Variants in CCSER2 observed in about 807,000 individuals in gnomAD.
CCSER2 encodes coiled-coil serine rich protein 2.
In CCSER2, 46 loss-of-function variants were observed where a neutral mutation model predicts 92.3. That is an observed-to-expected ratio of 0.50 (90% CI 0.39 to 0.64). The LOEUF (loss-of-function observed/expected upper bound fraction) is 0.64. Ranked by LOEUF, CCSER2 falls within the 30% of genes least tolerant of loss-of-function variation. CCSER2 has a pLI of 0.00. For synonymous variants in CCSER2, 433 were observed against 431.4 expected (o/e 1.00, Z -0.04); for missense variants, 1,244 against 1,238.9 (o/e 1.00, Z -0.06).
intron 3 of CCSER2, among the ~76,000 whole-genome samples, chr10:84,412,184 G>A (rs1374781973): frequency 6.6e-6 from 1 of 152,060 alleles, no homozygotes; most frequent in African/African-American, 2.4e-5. Flanking sequence ...ACTGCCTTCT[G>A]TTTGCCAGTA....
intron 5 of CCSER2, among the ~76,000 whole-genome samples, chr10:84,431,611 A>G (rs1369953586): frequency 3.9e-5 from 6 of 152,052 alleles, no homozygotes; most frequent in Non-Finnish European, 1.5e-5. Flanking sequence ...GCGTGGTGGC[A>G]CGTGTCTATA....
chr10:84,498,861 C>G (rs1012321319), intron 9 of CCSER2, among the ~76,000 whole-genome samples: 10 of 152,222 alleles, frequency 6.6e-5, no homozygotes, highest in African/African-American at 2.4e-4. Context: ...TAACATTGAA[C>G]AGTTACTTTC....
At chr10:84,459,798 A>G (rs1037427048) in intron 6 of CCSER2, among the ~76,000 whole-genome samples, 5 of 152,138 alleles carry the variant, frequency 3.3e-5, no homozygotes, top group African/African-American at 9.7e-5. Flanking sequence ...TACTGGGGTT[A>G]CAGGCATGAG....
chr10:84,400,676 G>T (rs376848538), intron 3 of CCSER2, among the ~76,000 whole-genome samples: 2 of 152,196 alleles, frequency 1.3e-5, no homozygotes, highest in East Asian at 3.9e-4. Context: ...CACTTTGGGA[G>T]GCTGAGGCGG....
intron 1 of CCSER2, among the ~76,000 whole-genome samples, chr10:84,360,619 CAACCCCTTT>C: frequency 6.7e-6 from 1 of 148,260 alleles, no homozygotes; most frequent in African/African-American, 2.6e-5. Context: ...ATGTCTCAGT[CAACCCCTTT>C]TCAGTTAGCC....
chr10:84,376,582 A>G (rs1024387854), intron 3 of CCSER2, among the ~76,000 whole-genome samples: 4 of 152,082 alleles, frequency 2.6e-5, no homozygotes, highest in South Asian at 2.1e-4. Context: ...ATATACTACA[A>G]CTTATCTTAT....
intron 5 of CCSER2, among the ~76,000 whole-genome samples, chr10:84,426,160 T>C (rs1843425563): frequency 6.6e-6 from 1 of 152,244 alleles, no homozygotes; most frequent in African/African-American, 2.4e-5. Flanking sequence ...TATGATTTTC[T>C]AGCTGTCATT....
intron 6 of CCSER2, among the ~76,000 whole-genome samples, chr10:84,447,708 G>C (rs1482280646): frequency 6.6e-6 from 1 of 152,148 alleles, no homozygotes; most frequent in Non-Finnish European, 1.5e-5. Flanking sequence ...ATTGATTTTG[G>C]TGCATTTAAA....
At chr10:84,401,002 G>A (rs972297972) in intron 3 of CCSER2, among the ~76,000 whole-genome samples, 3 of 152,078 alleles carry the variant, frequency 2.0e-5, no homozygotes, top group African/African-American at 7.2e-5. Context: ...CAGGCAGATC[G>A]CTTGAACTGA....
At chr10:84,352,503 G>A (rs957206986) in intron 1 of CCSER2, among the ~76,000 whole-genome samples, 1 of 151,732 alleles carries the variant, frequency 6.6e-6, no homozygotes, top group African/African-American at 2.4e-5. Context: ...TGACGGGGGT[G>A]GGGAGCAGTC....
Position 84,335,226 on chromosome 10 carries a change from CTCTTTTTTTTT to C in CCSER2, c.-40+6420_-40+6430del, listed in dbSNP as rs1435194758. On this transcript the variant is annotated intron_variant, in intron 1 of 9. Coordinates refer to ENST00000372088, the MANE Select transcript of CCSER2 (RefSeq NM_001284240.2). ...TCCCCAGCATTCTACTTCTCTCTCT[CTCTTTTTTTTT>C]TTTTTTTTTTTTTTGAGACAGGGTC... 3.4e-4 allele frequency among the ~76,000 whole-genome samples: 32 copies of C among 95,074 alleles called. 1 individual carries two copies. In the East Asian group the frequency reaches 8.2e-3, roughly 25 times the overall value. The allele number at this position is 95,074 out of a possible 152,430, so 62.4% of individuals were successfully genotyped here. A position where few individuals can be genotyped will look rare whatever the true frequency, so the allele number is the denominator to read the frequency against.
In CCSER2 at chr10:84,438,712, G is replaced by A. The variant is rs749505218; in HGVS notation, c.2064+5G>A. ...CTGAAACGTCTCCTGCATCAGGTGA[G>A]TACATAATGAACATTTCCAGCTCTG... On this transcript the variant is annotated splice_donor_5th_base_variant and intron_variant, in intron 6 of 9. Coordinates refer to ENST00000372088, the MANE Select transcript of CCSER2 (RefSeq NM_001284240.2). 63 of 1,545,372 alleles carry A rather than the reference G, an allele frequency of 4.1e-5. 1 individual carries two copies. Among genetic ancestry groups the A allele is most frequent in the Middle Eastern group, 3.4e-4 (2 of 5,832 alleles).
chr10:84,413,320 C>T lies in CCSER2; in HGVS notation c.1615-4451C>T, dbSNP rs569924604. 2.6e-5 allele frequency among the ~76,000 whole-genome samples: 4 copies of T among 152,212 alleles called. No homozygotes were observed. The South Asian group carries it at 8.3e-4, about 32-fold the overall frequency. ...AATTTCCCTCTTAACAGTGCTTTAG[C>T]TGCATCCCAGAGATGGTGGTATGTT... On this transcript the variant is annotated intron_variant, in intron 3 of 9. Transcript: ENST00000372088.
chr10:84,499,778 CTGTGT>C lies in CCSER2; in HGVS notation c.2326-13669_2326-13665del, dbSNP rs1187254787. ...CTGTCTTCTCGTTAACACTATTGCT[CTGTGT>C]TATTTAAAAGTAAAACAAAGTATGA... On this transcript the variant is annotated intron_variant, in intron 9 of 9. Coordinates refer to ENST00000372088, the MANE Select transcript of CCSER2 (RefSeq NM_001284240.2). 5.1e-6 allele frequency: 6 copies of C among 1,169,984 alleles called. No homozygotes were observed. In the East Asian group the frequency reaches 1.4e-4, roughly 28 times the overall value. 72.5% of individuals were successfully genotyped at this position (1,169,984 alleles called of 1,614,324 possible).
intron 1 of CCSER2, among the ~76,000 whole-genome samples, chr10:84,341,343 CTTTTTTTTT>C (rs35558044): frequency 1.1e-5 from 1 of 94,304 alleles, no homozygotes; most frequent in Non-Finnish European, 1.9e-5. Context: ...CTTTGTAACT[CTTTTTTTTT>C]TTTTTTTTTT....
intron 3 of CCSER2, among the ~76,000 whole-genome samples, chr10:84,385,006 C>G (rs915862180): frequency 7.1e-6 from 1 of 141,574 alleles, no homozygotes; most frequent in Non-Finnish European, 1.6e-5. Context: ...TTACAATAAA[C>G]ACACACACAC....
chr10:84,357,364 T>C (rs568888355), intron 1 of CCSER2, among the ~76,000 whole-genome samples: 1 of 152,288 alleles, frequency 6.6e-6, no homozygotes, highest in South Asian at 2.1e-4. Flanking sequence ...ACCTTGAAAA[T>C]TCCCTAGCTC....
chr10:84,501,361 C>T (rs1279867677), intron 9 of CCSER2, among the ~76,000 whole-genome samples: 4 of 152,186 alleles, frequency 2.6e-5, no homozygotes, highest in Admixed American at 2.6e-4. Context: ...CAGATTAGCA[C>T]ACCCACCTGT....
At chr10:84,476,829 T>C (rs1201178787) in intron 8 of CCSER2, among the ~76,000 whole-genome samples, 1 of 152,110 alleles carries the variant, frequency 6.6e-6, no homozygotes, top group East Asian at 1.9e-4. Flanking sequence ...TATAAATGAG[T>C]GTGCTTTGAG....
Sources: allele counts gnomAD v4.1 joint callset (sites outside exome capture counted in the v4.1 genomes callset), GRCh38; gene constraint gnomAD v4.1.1; transcripts MANE v1.5; gene names NCBI Gene and HGNC (gene_info 2026-07-23, HGNC 2026-07-21).